The following CMSS1 variants were observed in gnomAD, a reference collection of about 807,000 sequenced individuals.
CMSS1 encodes the protein cms1 ribosomal small subunit homolog.
Under a neutral mutation model 43.5 loss-of-function variants are expected in CMSS1, and 33 were observed. The observed-to-expected ratio is 0.76, with a 90% CI of 0.57 to 1.01. The LOEUF is 1.01. Ranked by LOEUF, CMSS1 falls within the 50% of genes least tolerant of loss-of-function variation. The probability of loss-of-function intolerance (pLI) is 0.00; values close to 1 mark genes in which losing one functional copy is unlikely to be tolerated. For synonymous variants in CMSS1, 115 were observed against 117.2 expected (o/e 0.98, Z 0.12); for missense variants, 313 against 326.4 (o/e 0.96, Z 0.32).
chr3:99,990,250 T>C (rs550176388), intron 1 of CMSS1, among the ~76,000 whole-genome samples: 14 of 152,138 alleles, frequency 9.2e-5, no homozygotes, highest in Non-Finnish European at 1.8e-4. Flanking sequence ...GAGGCAAAGA[T>C]AGACAGAAAG....
intron 1 of CMSS1, among the ~76,000 whole-genome samples, chr3:99,977,255 T>C (rs1708999697): frequency 1.3e-5 from 2 of 151,592 alleles, no homozygotes; most frequent in Non-Finnish European, 2.9e-5. Context: ...TGATGCCTCA[T>C]CCCAGGAGCA....
At chr3:100,144,991 C>G (rs2066836267) in intron 1 of CMSS1, among the ~76,000 whole-genome samples, 1 of 152,252 alleles carries the variant, frequency 6.6e-6, no homozygotes, top group East Asian at 1.9e-4. Flanking sequence ...GGGTAGGGAA[C>G]AGTGTAACTA....
intron 2 of CMSS1, among the ~76,000 whole-genome samples, chr3:100,149,868 G>A (rs1011003747): frequency 6.6e-6 from 1 of 152,126 alleles, no homozygotes; most frequent in African/African-American, 2.4e-5. Flanking sequence ...GTCCCAGCTT[G>A]TGAGCTGTCC....
chr3:99,958,886 G>A (rs1708415605), intron 1 of CMSS1, among the ~76,000 whole-genome samples: 1 of 152,194 alleles, frequency 6.6e-6, no homozygotes, highest in Non-Finnish European at 1.5e-5. Context: ...CACTTAGGCA[G>A]TGGGAAGCTA....
intron 1 of CMSS1, among the ~76,000 whole-genome samples, chr3:99,881,639 TCTC>T (rs1311441709): frequency 1.3e-5 from 2 of 152,096 alleles, no homozygotes; most frequent in East Asian, 1.9e-4. Flanking sequence ...TTCAGACAGT[TCTC>T]CTGCCTCAGC....
intron 1 of CMSS1, among the ~76,000 whole-genome samples, chr3:99,928,903 A>G (rs978482847): frequency 2.0e-5 from 3 of 152,224 alleles, no homozygotes; most frequent in Non-Finnish European, 4.4e-5. Context: ...CACCCCGTAG[A>G]GAAGCAGATA....
intron 1 of CMSS1, among the ~76,000 whole-genome samples, chr3:99,890,425 A>G (rs542942589): frequency 6.6e-6 from 1 of 152,234 alleles, no homozygotes; most frequent in African/African-American, 2.4e-5. Context: ...CTTAGTTTAT[A>G]TTAACATTTC....
intron 1 of CMSS1, among the ~76,000 whole-genome samples, chr3:99,968,788 C>T (rs941203816): frequency 2.0e-5 from 3 of 152,120 alleles, no homozygotes; most frequent in Non-Finnish European, 4.4e-5. Flanking sequence ...ACTGGTGTCT[C>T]ATCAGAGAAG....
chr3:99,906,256 A>C (rs1706614933), intron 1 of CMSS1, among the ~76,000 whole-genome samples: 1 of 152,150 alleles, frequency 6.6e-6, no homozygotes, highest in African/African-American at 2.4e-5. Flanking sequence ...CCTCGTTGTA[A>C]ATTTAATTTG....
At chr3:100,004,418 T>C (rs1324191735) in intron 1 of CMSS1, among the ~76,000 whole-genome samples, 1 of 152,196 alleles carries the variant, frequency 6.6e-6, no homozygotes, top group Admixed American at 6.5e-5. Context: ...ATAAGAGAAC[T>C]GTGTTACCAC....
At chr3:99,895,521 T>C (rs182111186) in intron 1 of CMSS1, among the ~76,000 whole-genome samples, 52 of 152,310 alleles carry the variant, frequency 3.4e-4, no homozygotes, top group Non-Finnish European at 4.4e-5. Flanking sequence ...GCCAAGTTCC[T>C]GGTGGTGTTT....
intron 1 of CMSS1, among the ~76,000 whole-genome samples, chr3:100,061,641 T>C (rs1167779233): frequency 1.3e-5 from 2 of 152,246 alleles, no homozygotes; most frequent in Non-Finnish European, 2.9e-5. Flanking sequence ...TCTTGGACTT[T>C]TATTGCATTC....
At chr3:99,863,384 G>A (rs965549136) in intron 1 of CMSS1, among the ~76,000 whole-genome samples, 5 of 152,156 alleles carry the variant, frequency 3.3e-5, no homozygotes, top group Admixed American at 2.6e-4. Context: ...CCCTGGGGTT[G>A]GGGACTCCTG....
chr3:100,008,099 A>G (rs1012483149), intron 1 of CMSS1, among the ~76,000 whole-genome samples: 7 of 152,180 alleles, frequency 4.6e-5, no homozygotes, highest in African/African-American at 7.2e-5. Flanking sequence ...TTTTACTAAC[A>G]TAATTACAAT....
At chr3:99,929,276 A>C (rs1222066009) in intron 1 of CMSS1, among the ~76,000 whole-genome samples, 1 of 152,218 alleles carries the variant, frequency 6.6e-6, no homozygotes, top group Non-Finnish European at 1.5e-5. Context: ...TGTAATTGCT[A>C]GGTACGCTTG....
rs2067154158 is a variant in CMSS1, at chr3:100,177,143, A to C, written c.756+728A>C. 1.3e-5 allele frequency among the ~76,000 whole-genome samples: 2 copies of C among 152,118 alleles called. 1 individual carries two copies. The highest frequency in any genetic ancestry group is 4.1e-4 in the South Asian group (2 of 4,822). The stretch of plus-strand genomic sequence containing the variant: ...GTAACTATCAAAGAGGCTTGGAAAT[A>C]CTCTTCCAAACATGCTGAATGAATT... On this transcript the variant is annotated intron_variant, in intron 9 of 9. Coordinates refer to ENST00000421999, the MANE Select transcript of CMSS1 (RefSeq NM_032359.4).
At chr3:100,177,964 CA>C (rs1576124618) in intron 9 of CMSS1, among the ~76,000 whole-genome samples, 2 of 152,164 alleles carry the variant, frequency 1.3e-5, no homozygotes, top group South Asian at 4.2e-4. Flanking sequence ...ACTAAAAATA[CA>C]AAAATTAGCC....
intron 2 of CMSS1, among the ~76,000 whole-genome samples, chr3:100,148,338 C>T (rs909951454): frequency 1.3e-5 from 2 of 152,152 alleles, no homozygotes; most frequent in African/African-American, 4.8e-5. Context: ...CCTTGGCCTC[C>T]CAAAGTGCTG....
At chr3:99,984,046 A>ATGTGTGTGTGTGTGTGTGTGTG (rs1206336764) in intron 1 of CMSS1, among the ~76,000 whole-genome samples, 69 of 14,046 alleles carry the variant, frequency 4.9e-3, no homozygotes, top group African/African-American at 0.022. Context: ...AAAAGGATGT[A>ATGTGTGTGTGTGTGTGTGTGTG]TATGTATGTG....
Sources: gnomAD v4.1 joint callset for allele counts (sites outside exome capture counted in the v4.1 genomes callset) on GRCh38, gnomAD v4.1.1 for gene constraint, MANE v1.5 for transcripts, NCBI Gene and HGNC (gene_info 2026-07-23, HGNC 2026-07-21) for gene names.